Variants in CACNA1D observed in about 807,000 individuals in gnomAD.
CACNA1D encodes the protein voltage-dependent L-type calcium channel subunit alpha-1D.
In CACNA1D, 55 loss-of-function variants were observed where a neutral mutation model predicts 257.1. The ratio of observed to expected loss-of-function variants is 0.21; its 90% confidence interval spans 0.17 to 0.27. CACNA1D has a LOEUF of 0.27. CACNA1D is among the 10% of genes least tolerant of loss of function. The pLI is 1.00. For synonymous variants in CACNA1D, 980 were observed against 1,014.9 expected (o/e 0.97, Z 0.65); for missense variants, 1,876 against 2,784.0 (o/e 0.67, Z 7.34).
At chr3:53,670,466 T>C (rs2094311902) in intron 7 of CACNA1D, among the ~76,000 whole-genome samples, 1 of 152,158 alleles carries the variant, frequency 6.6e-6, no homozygotes, top group Non-Finnish European at 1.5e-5. Context: ...TGCCTCAGCC[T>C]CCCAAGTAGC....
At chr3:53,787,905 TAAAG>T (rs1235144095) in intron 40 of CACNA1D, among the ~76,000 whole-genome samples, 2 of 152,142 alleles carry the variant, frequency 1.3e-5, no homozygotes, top group African/African-American at 4.8e-5. Flanking sequence ...ATGGATAGGA[TAAAG>T]AATTTTTTAA....
In CACNA1D at chr3:53,774,715, G is replaced by T; in HGVS notation, c.4202+37G>T. On this transcript the variant is annotated intron_variant, in intron 34 of 47. Coordinates refer to ENST00000350061, the MANE Select transcript of CACNA1D (RefSeq NM_001128840.3). This position sits in a 1 kb window ranked among gnomAD's most constrained non-coding sequence, Gnocchi z 4.3. ...TGGCTTGGGCGGTGCTCCTGGGCAGGGGGGTCCGCTAGGCGTGGGTCCAGA... is the reference window on the plus strand; with the variant it reads ...TGGCTTGGGCGGTGCTCCTGGGCAGTGGGGTCCGCTAGGCGTGGGTCCAGA... 2 of 1,262,248 alleles carry T rather than the reference G, an allele frequency of 1.6e-6. No homozygotes were observed. Among genetic ancestry groups the T allele is most frequent in the Non-Finnish European group, 2.3e-6 (2 of 858,824 alleles). 78.2% of individuals were successfully genotyped at this position (1,262,248 alleles called of 1,614,324 possible).
chr3:53,497,964 G>T (rs113848541), intron 2 of CACNA1D, among the ~76,000 whole-genome samples: 2,742 of 152,288 alleles, frequency 0.018, 90 homozygotes, highest in African/African-American at 0.063. Context: ...TGCTAAGGTT[G>T]CTTCTAGTCT....
chr3:53,802,102 C>G (rs376672841), intron 42 of CACNA1D, 45 bp from the exon 43 acceptor site: 3 of 1,540,096 alleles, frequency 1.9e-6, no homozygotes, highest in Non-Finnish European at 1.8e-6. Context: ...TGGAAATTAA[C>G]TTTTATCTTC....
intron 3 of CACNA1D, among the ~76,000 whole-genome samples, chr3:53,633,767 C>T (rs1400105474): frequency 6.6e-6 from 1 of 152,168 alleles, no homozygotes; most frequent in African/African-American, 2.4e-5. Context: ...TATCTGTACC[C>T]TGATATGTCT....
chr3:53,735,018 C>T (rs904496022), intron 19 of CACNA1D, among the ~76,000 whole-genome samples: 16 of 152,144 alleles, frequency 1.1e-4, no homozygotes, highest in African/African-American at 3.6e-4. Context: ...GTGATGTAGA[C>T]CTGGATCGAT....
chr3:53,589,583 C>A (rs948280527), intron 3 of CACNA1D, among the ~76,000 whole-genome samples: 4 of 152,156 alleles, frequency 2.6e-5, no homozygotes, highest in East Asian at 1.9e-4. Context: ...TCACTGATGA[C>A]CCCGATAACT....
chr3:53,715,034 GA>G (rs2094803834), intron 9 of CACNA1D, among the ~76,000 whole-genome samples: 1 of 152,104 alleles, frequency 6.6e-6, no homozygotes, highest in Admixed American at 6.6e-5. Context: ...AATATTTTTG[GA>G]AAAGGATAAG....
At chr3:53,525,955 C>T (rs758545189) in intron 3 of CACNA1D, among the ~76,000 whole-genome samples, 1 of 152,196 alleles carries the variant, frequency 6.6e-6, no homozygotes, top group African/African-American at 2.4e-5. Flanking sequence ...AGCCTGGCTC[C>T]ACTTCCTGTA....
intron 8 of CACNA1D, among the ~76,000 whole-genome samples, chr3:53,677,113 G>GATT (rs2094384229): frequency 6.6e-6 from 1 of 152,180 alleles, no homozygotes; most frequent in South Asian, 2.1e-4. Flanking sequence ...TTAGAATCAT[G>GATT]CTAGATTCCC....
chr3:53,742,675 G>A (rs1446032747), intron 21 of CACNA1D, among the ~76,000 whole-genome samples: 2 of 152,116 alleles, frequency 1.3e-5, no homozygotes, highest in East Asian at 1.9e-4. Flanking sequence ...TGGGCTCTCC[G>A]GACAGCACTT....
chr3:53,760,167 A>T (rs936072689), intron 29 of CACNA1D, among the ~76,000 whole-genome samples: 7 of 152,294 alleles, frequency 4.6e-5, no homozygotes, highest in Admixed American at 1.3e-4. Context: ...ATCTTACATT[A>T]TTAAGATTAA....
At chr3:53,803,350 A>C in intron 43 of CACNA1D, 73 bp from the exon 44 acceptor site, 2 of 1,579,350 alleles carry the variant, frequency 1.3e-6, no homozygotes, top group Non-Finnish European at 1.7e-6. Flanking sequence ...TGCCGGCCAC[A>C]GGCAGAGGTG....
chr3:53,525,262 G>T (rs752236547), intron 3 of CACNA1D, among the ~76,000 whole-genome samples: 2 of 152,142 alleles, frequency 1.3e-5, no homozygotes, highest in Non-Finnish European at 2.9e-5. Context: ...CATAGTTATT[G>T]CTTAGCTCTT....
At chr3:53,598,562 G>A (rs1271444729) in intron 3 of CACNA1D, among the ~76,000 whole-genome samples, 4 of 150,394 alleles carry the variant, frequency 2.7e-5, no homozygotes, top group Non-Finnish European at 1.5e-5. Flanking sequence ...TCCAACCTGG[G>A]CAACAGAGTG....
chr3:53,522,394 T>G (rs957030901), intron 3 of CACNA1D, among the ~76,000 whole-genome samples: 1 of 152,172 alleles, frequency 6.6e-6, no homozygotes, highest in Admixed American at 6.5e-5. Flanking sequence ...CTACCCAGAC[T>G]AGATGGTCTG....
rs918290434 is a variant in CACNA1D at position 53,552,654 on chromosome 3, T to G, written c.483+50934T>G. 9.2e-5 allele frequency among the ~76,000 whole-genome samples: 14 copies of G among 152,364 alleles called. No individual in the cohort carries two copies. In the South Asian group the frequency reaches 1.2e-3, roughly 14 times the overall value. On this transcript the variant is annotated intron_variant, in intron 3 of 47. Transcript: ENST00000350061. ...CCTCGGCCTCCCAAAGTGCTGGGGTTACAGGACATTTCCCTTTCTTGTTTG... is the reference window on the plus strand; with the variant it reads ...CCTCGGCCTCCCAAAGTGCTGGGGTGACAGGACATTTCCCTTTCTTGTTTG...
rs184957904 is a variant in CACNA1D at position 53,646,837 on chromosome 3, A to G, written c.484-3942A>G. Among the ~76,000 whole-genome samples, 795 of 152,352 alleles carry G rather than the reference A, an allele frequency of 5.2e-3. 4 individuals carry two copies. The highest frequency in any genetic ancestry group is 0.014 in the Middle Eastern group (4 of 294). ...GGATAGATGGATAGACAGATGGACA[A>G]GTATTCATGCCACAGCACTAATAAG... On this transcript the variant is annotated intron_variant, in intron 3 of 47. Transcript: ENST00000350061.
intron 3 of CACNA1D, among the ~76,000 whole-genome samples, chr3:53,608,327 A>G (rs940378861): frequency 6.6e-6 from 1 of 152,152 alleles, no homozygotes; most frequent in South Asian, 2.1e-4. Flanking sequence ...GCTTTTGTAT[A>G]TTGACTCTGT....
Sources: gnomAD v4.1 joint callset for allele counts (sites outside exome capture counted in the v4.1 genomes callset) on GRCh38, gnomAD v4.1.1 for gene constraint, Gnocchi (gnomAD v3.1) non-coding constraint, MANE v1.5 for transcripts, NCBI Gene and HGNC (gene_info 2026-07-23, HGNC 2026-07-21) for gene names.